Variants in CCDC124 observed in about 807,000 individuals in gnomAD.
CCDC124 encodes coiled-coil domain-containing protein 124.
In CCDC124, 9 loss-of-function variants were observed where a neutral mutation model predicts 19.8. The observed-to-expected ratio is 0.45, with a 90% CI of 0.27 to 0.79. CCDC124 has a LOEUF of 0.79. Among genes scored for constraint, CCDC124 ranks in the 30% least tolerant of loss-of-function variants. The pLI is 0.14. For missense variants in CCDC124, 285 were observed against 319.0 expected (o/e 0.89, Z 0.81); for synonymous variants, 126 against 131.3 (o/e 0.96, Z 0.27).
intron 2 of CCDC124, among the ~76,000 whole-genome samples, chr19:17,941,064 A>G (rs1196272171): frequency 1.3e-5 from 2 of 151,774 alleles, no homozygotes; most frequent in Admixed American, 6.6e-5. Flanking sequence ...CAAACGAACG[A>G]AAAAAACACA....
At position 17,942,658 on chromosome 19, in the gene CCDC124, G is replaced by A. The variant is rs2031209184; in HGVS notation, c.162G>A (p.Glu54=). ...GACCATGCACGCCGCCCCCGCAGGA[G>A]GAGAAGGAGAAGCGGCGCCTCGACC... is the stretch of plus-strand genomic sequence containing the variant. ...KHVMRKEQRK[E]EKEKRRLDQL... Residue 54 remains glutamate, a splice_region_variant and synonymous_variant, in exon 3 of 5, where the codon GAG becomes GAA. Transcript: ENST00000445755. This position sits in a 1 kb window ranked among gnomAD's most constrained non-coding sequence, Gnocchi z 4.2. The A allele has an allele frequency of 1.3e-6, 2 of 1,554,660 alleles. No homozygotes were observed. Among genetic ancestry groups the A allele is most frequent in the East Asian group, 2.4e-5 (1 of 42,130 alleles).
chr19:17,938,667 A>G (rs1469957568), intron 2 of CCDC124, among the ~76,000 whole-genome samples: 1 of 152,046 alleles, frequency 6.6e-6, no homozygotes, highest in African/African-American at 2.4e-5. Context: ...TCACAGCTCA[A>G]TGCAGTCTTG....
In CCDC124 at chr19:17,942,824, C is replaced by A; in HGVS notation, c.328C>A (p.Leu110Ile). The change falls in exon 3 of 5, where the codon CTC becomes ATC. Residue 110 changes from leucine (L) to isoleucine (I), a missense_variant. By Grantham distance (5) the Leu-to-Ile change is conservative. Transcript: ENST00000445755. The surrounding 1 kb of genome is among the most constrained non-coding windows in gnomAD (Gnocchi z 4.2). ...IEDTLRRDHQ[L>I]REAPDTAEKA... ...GGACACGCTGCGCCGAGACCATCAG[C>A]TCAGGGAGGCCCCGGACACAGGTCG... 2 of 1,524,968 alleles carry A rather than the reference C, an allele frequency of 1.3e-6. No homozygotes were observed. The highest frequency in any genetic ancestry group is 8.8e-7 in the Non-Finnish European group (1 of 1,136,216). The allele number at this position is 1,524,968 out of a possible 1,614,324, so 94.5% of individuals were successfully genotyped here.
chr19:17,942,877 T>G lies in CCDC124; in HGVS notation c.349+32T>G. On this transcript the variant is annotated intron_variant, in intron 3 of 4. Transcript: ENST00000445755. The surrounding 1 kb of genome is among the most constrained non-coding windows in gnomAD (Gnocchi z 4.2). Reference sequence around the variant, plus strand: ...CGGCATCCCGCTCTGGAGCTGCACTTTTGCCCACTGCAGAGGCAGTGGACC... The same window carrying G: ...CGGCATCCCGCTCTGGAGCTGCACTGTTGCCCACTGCAGAGGCAGTGGACC... The G allele has an allele frequency of 6.8e-7, 1 of 1,474,420 alleles. No individual in the cohort carries two copies. Among genetic ancestry groups the G allele is most frequent in the Non-Finnish European group, 9.0e-7 (1 of 1,113,624 alleles). The allele number at this position is 1,474,420 out of a possible 1,614,324, so 91.3% of individuals were successfully genotyped here. A position where few individuals can be genotyped will look rare whatever the true frequency, so the allele number is the denominator to read the frequency against.
rs572735076 is a variant in CCDC124 at position 17,935,792 on chromosome 19, A to C, written c.-11-618A>C. On this transcript the variant is annotated intron_variant, in intron 1 of 4. Transcript: ENST00000445755. Reference sequence around the variant, plus strand: ...GACACGGGGTTTCACCATGTTGACTAGACTGGTTTTGAACTCCTGACCTCA... The same window carrying C: ...GACACGGGGTTTCACCATGTTGACTCGACTGGTTTTGAACTCCTGACCTCA... Among the ~76,000 whole-genome samples, 40 of 152,290 alleles carry C rather than the reference A, an allele frequency of 2.6e-4. No individual in the cohort carries two copies. In the South Asian group the frequency reaches 3.3e-3, roughly 13 times the overall value.
intron 2 of CCDC124, among the ~76,000 whole-genome samples, chr19:17,939,472 T>A (rs2031129303): frequency 6.6e-6 from 1 of 152,100 alleles, no homozygotes; most frequent in Non-Finnish European, 1.5e-5. Context: ...AGTGTCAAGA[T>A]CATTGGCTTA....
Position 17,936,364 on chromosome 19 carries a change from T to C in CCDC124, c.-11-46T>C, listed in dbSNP as rs903248873. On this transcript the variant is annotated intron_variant, in intron 1 of 4. Coordinates refer to ENST00000445755, the MANE Select transcript of CCDC124 (RefSeq NM_001136203.2). Reference sequence around the variant, plus strand: ...TGATTCTGGGGGTGCTGAGTGCCGATGTCCCCTCCGGCCCCTGCTCCCCCA... The same window carrying C: ...TGATTCTGGGGGTGCTGAGTGCCGACGTCCCCTCCGGCCCCTGCTCCCCCA... 5 of 1,501,968 alleles carry C rather than the reference T, an allele frequency of 3.3e-6. No homozygotes were observed. The African/African-American group carries it at 4.1e-5, about 12-fold the overall frequency. 93.0% of individuals were successfully genotyped at this position (1,501,968 alleles called of 1,614,324 possible).
chr19:17,939,924 T>TG (rs1198625139), intron 2 of CCDC124, among the ~76,000 whole-genome samples: 1 of 107,056 alleles, frequency 9.3e-6, no homozygotes, highest in African/African-American at 3.6e-5. Context: ...CACCTGGCCT[T>TG]TTTTTTTTTT....
At position 17,936,182 on chromosome 19, in the gene CCDC124, G is replaced by C. The variant is rs1431703112; in HGVS notation, c.-11-228G>C. The C allele has an allele frequency of 9.1e-6, 4 of 441,292 alleles. No homozygotes were observed. The East Asian group carries it at 1.4e-4, about 16-fold the overall frequency. 27.3% of individuals were successfully genotyped at this position (441,292 alleles called of 1,614,324 possible). Reference sequence around the variant, plus strand: ...GGCCTCCCAAAGTGCTGGGATTACGGGTGTGAGCCACCAGACCTGGCCTAA... The same window carrying C: ...GGCCTCCCAAAGTGCTGGGATTACGCGTGTGAGCCACCAGACCTGGCCTAA... On this transcript the variant is annotated intron_variant, in intron 1 of 4. Transcript: ENST00000445755.
rs2031219094 is a variant in CCDC124, at chr19:17,942,923, C to A, written c.349+78C>A. Reference sequence around the variant, plus strand: ...GGACCTTGAGTCCATTAGCCCCCTCCTGGCCCCCAGAGAAGCTGCCGGGGC... The same window carrying A: ...GGACCTTGAGTCCATTAGCCCCCTCATGGCCCCCAGAGAAGCTGCCGGGGC... On this transcript the variant is annotated intron_variant, in intron 3 of 4. Transcript: ENST00000445755. This position sits in a 1 kb window ranked among gnomAD's most constrained non-coding sequence, Gnocchi z 4.2. 4.2e-6 allele frequency: 6 copies of A among 1,436,004 alleles called. No homozygotes were observed. Among genetic ancestry groups the A allele is most frequent in the Non-Finnish European group, 1.8e-6 (2 of 1,089,916 alleles). 89.0% of individuals were successfully genotyped at this position (1,436,004 alleles called of 1,614,324 possible). A position where few individuals can be genotyped will look rare whatever the true frequency, so the allele number is the denominator to read the frequency against.
chr19:17,942,590 C>G lies in CCDC124; in HGVS notation c.160-66C>G. ...TCGTTGGCTGAGATGAAAACTCGAACCCCAGGCTAGTGGGTGGCGCGGGGG... is the reference window on the plus strand; with the variant it reads ...TCGTTGGCTGAGATGAAAACTCGAAGCCCAGGCTAGTGGGTGGCGCGGGGG... On this transcript the variant is annotated intron_variant, in intron 2 of 4. Transcript: ENST00000445755. The surrounding 1 kb of genome is among the most constrained non-coding windows in gnomAD (Gnocchi z 4.2). 6.6e-7 allele frequency: 1 copy of G among 1,519,632 alleles called. No individual in the cohort carries two copies. The allele number at this position is 1,519,632 out of a possible 1,614,324, so 94.1% of individuals were successfully genotyped here.
At position 17,943,241 on chromosome 19, in the gene CCDC124, T is replaced by TCTGGGGCC; in HGVS notation, c.350-19_350-18insTGGGGCCC. On this transcript the variant is annotated intron_variant, in intron 3 of 4. Coordinates refer to ENST00000445755, the MANE Select transcript of CCDC124 (RefSeq NM_001136203.2). ...CTTTGCTTATCTCTCTCTGTCTCTG[T>TCTGGGGCC]CACCCACCCACCCGCCCAGCCGAGA... The TCTGGGGCC allele has an allele frequency of 4.2e-5, 31 of 736,596 alleles. No individual in the cohort carries two copies. Among genetic ancestry groups the TCTGGGGCC allele is most frequent in the East Asian group, 1.1e-4 (4 of 37,076 alleles). 45.6% of individuals were successfully genotyped at this position (736,596 alleles called of 1,614,324 possible).
At position 17,943,771 on chromosome 19, in the gene CCDC124, C is replaced by A. The variant is rs1205880043; in HGVS notation, c.*56C>A. On this transcript the variant is annotated 3_prime_UTR_variant, in exon 5 of 5. Coordinates refer to ENST00000445755, the MANE Select transcript of CCDC124 (RefSeq NM_001136203.2). Reference sequence around the variant, plus strand: ...GGGTGGTCCAGGTCACGACTCTGCACGCCCTTAGGCCAGGTCAGCTGCGAG... The same window carrying A: ...GGGTGGTCCAGGTCACGACTCTGCAAGCCCTTAGGCCAGGTCAGCTGCGAG... 37 of 1,543,218 alleles carry A rather than the reference C, an allele frequency of 2.4e-5. No homozygotes were observed. Among genetic ancestry groups the A allele is most frequent in the Non-Finnish European group, 3.3e-5 (37 of 1,127,006 alleles).
At position 17,942,203 on chromosome 19, in the gene CCDC124, C is replaced by T. The variant is rs1462765310; in HGVS notation, c.160-453C>T. 6.6e-6 allele frequency among the ~76,000 whole-genome samples: 1 copy of T among 152,132 alleles called. No homozygotes were observed. Among genetic ancestry groups the T allele is most frequent in the African/African-American group, 2.4e-5 (1 of 41,414 alleles). Reference sequence around the variant, plus strand: ...AAACGGGTCCAGGCCTCCCACGGCTCTTAGAATCCAACATGAACCCCTCCC... The same window carrying T: ...AAACGGGTCCAGGCCTCCCACGGCTTTTAGAATCCAACATGAACCCCTCCC... On this transcript the variant is annotated intron_variant, in intron 2 of 4. Transcript: ENST00000445755. This position sits in a 1 kb window ranked among gnomAD's most constrained non-coding sequence, Gnocchi z 4.2.
chr19:17,938,163 G>C (rs1419865929), intron 2 of CCDC124, among the ~76,000 whole-genome samples: 1 of 152,020 alleles, frequency 6.6e-6, no homozygotes, highest in Non-Finnish European at 1.5e-5. Flanking sequence ...AACATAGCAA[G>C]ACCCCATCTC....
In CCDC124 at chr19:17,942,648, C is replaced by T. The variant is rs2031208931; in HGVS notation, c.160-8C>T. 2 of 1,553,240 alleles carry T rather than the reference C, an allele frequency of 1.3e-6. No homozygotes were observed. The highest frequency in any genetic ancestry group is 1.7e-6 in the Non-Finnish European group (2 of 1,148,516). ...TCTTCTGCCTGACCATGCACGCCGC[C>T]CCCGCAGGAGGAGAAGGAGAAGCGG... On this transcript the variant is annotated splice_region_variant and splice_polypyrimidine_tract_variant and intron_variant, in intron 2 of 4. Coordinates refer to ENST00000445755, the MANE Select transcript of CCDC124 (RefSeq NM_001136203.2). This position sits in a 1 kb window ranked among gnomAD's most constrained non-coding sequence, Gnocchi z 4.2.
chr19:17,943,803 A>G lies in CCDC124; in HGVS notation c.*88A>G. The G allele has an allele frequency of 7.3e-7, 1 of 1,369,002 alleles. No homozygotes were observed. The highest frequency in any genetic ancestry group is 1.0e-6 in the Non-Finnish European group (1 of 987,794). 84.8% of individuals were successfully genotyped at this position (1,369,002 alleles called of 1,614,324 possible). On this transcript the variant is annotated 3_prime_UTR_variant, in exon 5 of 5. Transcript: ENST00000445755. ...AGGCCAGGTCAGCTGCGAGGGTCAC[A>G]GAGCGTTCCGGGGGCCAAGGCGCCG...
chr19:17,943,252 C>T lies in CCDC124; in HGVS notation c.350-9C>T. The T allele has an allele frequency of 1.6e-6, 2 of 1,261,020 alleles. No homozygotes were observed. The highest frequency in any genetic ancestry group is 1.3e-5 in the South Asian group (1 of 78,226). The allele number at this position is 1,261,020 out of a possible 1,614,324, so 78.1% of individuals were successfully genotyped here. A position where few individuals can be genotyped will look rare whatever the true frequency, so the allele number is the denominator to read the frequency against. ...TCTCTCTGTCTCTGTCACCCACCCA[C>T]CCGCCCAGCCGAGAAAGCCAAGAGC... On this transcript the variant is annotated splice_polypyrimidine_tract_variant and intron_variant, in intron 3 of 4. Coordinates refer to ENST00000445755, the MANE Select transcript of CCDC124 (RefSeq NM_001136203.2).
In CCDC124 at chr19:17,936,524, A is replaced by G. The variant is rs1222217358; in HGVS notation, c.104A>G (p.Glu35Gly). The stretch of plus-strand genomic sequence containing the variant: ...GATGCCAAGAAGCAGAAGGAGCTGG[A>G]GGATGCCTACTGGAAGGACGACGAC... ...AADAKKQKEL[E>G]DAYWKDDDKH... The change falls in exon 2 of 5, where the codon GAG (glutamate) becomes GGG (glycine). Residue 35 changes from glutamate to glycine, a missense_variant. Coordinates refer to ENST00000445755, the MANE Select transcript of CCDC124 (RefSeq NM_001136203.2). 1 of 1,613,644 alleles carries G rather than the reference A, an allele frequency of 6.2e-7. No homozygotes were observed. The highest frequency in any genetic ancestry group is 8.5e-7 in the Non-Finnish European group (1 of 1,179,862).
Sources: gnomAD v4.1 joint callset for allele counts (sites outside exome capture counted in the v4.1 genomes callset) on GRCh38, gnomAD v4.1.1 for gene constraint, Gnocchi (gnomAD v3.1) non-coding constraint, MANE v1.5 for transcripts, NCBI Gene and HGNC (gene_info 2026-07-23, HGNC 2026-07-21) for gene names.